RBFOX1: variants seen among roughly 807,000 people sequenced by gnomAD.
The protein encoded by RBFOX1 is RNA binding protein fox-1 homolog 1.
A neutral mutation model predicts 57.7 loss-of-function variants in RBFOX1; 8 were observed. That is an observed-to-expected ratio of 0.14 (90% CI 0.08 to 0.25). RBFOX1 has a LOEUF of 0.25. Ranked by LOEUF, RBFOX1 falls within the 10% of genes least tolerant of loss-of-function variation. The pLI, the probability that RBFOX1 is intolerant of heterozygous loss-of-function variation, is 1.00. For missense variants in RBFOX1, 611 were observed against 548.5 expected (o/e 1.11, Z -1.14); for synonymous variants, 326 against 222.4 (o/e 1.47, Z -4.15).
intron 2 of RBFOX1, among the ~76,000 whole-genome samples, chr16:6,582,639 A>C (rs2097551943): frequency 6.6e-6 from 1 of 152,094 alleles, no homozygotes; most frequent in Non-Finnish European, 1.5e-5. Flanking sequence ...CAAATAAAAT[A>C]AGGATTTAGT....
chr16:7,391,352 G>C (rs536504358), intron 4 of RBFOX1, among the ~76,000 whole-genome samples: 1 of 152,124 alleles, frequency 6.6e-6, no homozygotes. Flanking sequence ...GAAGTTTCGC[G>C]TCCCAAGATC....
At position 6,859,174 on chromosome 16, in the gene RBFOX1, T is replaced by TACGTATATATATACGTATATATATAC. The variant is rs778753196; in HGVS notation, c.-15-192883_-15-192882insACGTATATATATACGTATATATATAC. On this transcript the variant is annotated intron_variant, in intron 3 of 15. Transcript: ENST00000550418. ...ATATGTATATATATACGTATATATA[T>TACGTATATATATACGTATATATATAC]GTATATATATGTATATATATATGTA... is the stretch of plus-strand genomic sequence containing the variant. 1.8e-3 allele frequency among the ~76,000 whole-genome samples: 114 copies of TACGTATATATATACGTATATATATAC among 65,032 alleles called. 7 individuals are homozygous for TACGTATATATATACGTATATATATAC. Among genetic ancestry groups the TACGTATATATATACGTATATATATAC allele is most frequent in the African/African-American group, 9.4e-3 (109 of 11,606 alleles). 42.7% of individuals were successfully genotyped at this position (65,032 alleles called of 152,430 possible).
intron 3 of RBFOX1, among the ~76,000 whole-genome samples, chr16:6,692,175 G>C (rs1425303912): frequency 6.6e-6 from 1 of 152,076 alleles, no homozygotes; most frequent in East Asian, 1.9e-4. Context: ...ACAAAACCAA[G>C]GTAACTATAA....
intron 4 of RBFOX1, among the ~76,000 whole-genome samples, chr16:7,076,613 A>G (rs1484493703): frequency 6.6e-6 from 1 of 152,208 alleles, no homozygotes; most frequent in Non-Finnish European, 1.5e-5. Flanking sequence ...GCAAAACTTT[A>G]TTTTTGCACA....
intron 1 of RBFOX1, among the ~76,000 whole-genome samples, chr16:6,062,103 G>A (rs182568779): frequency 2.0e-5 from 3 of 152,282 alleles, no homozygotes; most frequent in Admixed American, 2.0e-4. Flanking sequence ...ACAGCCAAAC[G>A]AGATGCATGG....
intron 3 of RBFOX1, among the ~76,000 whole-genome samples, chr16:5,835,288 G>A (rs975018807): frequency 2.6e-4 from 40 of 152,266 alleles, no homozygotes; most frequent in Middle Eastern, 6.8e-3. Flanking sequence ...GAAGCCATGC[G>A]TCCCACCACA....
chr16:6,188,274 G>A (rs960652085), intron 1 of RBFOX1, among the ~76,000 whole-genome samples: 16 of 152,014 alleles, frequency 1.1e-4, no homozygotes, highest in Non-Finnish European at 2.1e-4. Context: ...TTTCAAGGAG[G>A]CAGACTGAGT....
intron 12 of RBFOX1, among the ~76,000 whole-genome samples, chr16:7,656,379 G>A (rs1367190872): frequency 1.3e-5 from 2 of 152,142 alleles, no homozygotes; most frequent in African/African-American, 4.8e-5. Context: ...GCAGGAGATG[G>A]CAAGGGGATG....
At chr16:7,690,212 GC>G (rs1272146285) in intron 14 of RBFOX1, among the ~76,000 whole-genome samples, 5 of 152,222 alleles carry the variant, frequency 3.3e-5, no homozygotes, top group Non-Finnish European at 7.4e-5. Context: ...TCAGGAATGG[GC>G]CCTATCACTG....
intron 3 of RBFOX1, among the ~76,000 whole-genome samples, chr16:5,703,498 C>T (rs2051127536): frequency 6.6e-6 from 1 of 152,154 alleles, no homozygotes; most frequent in Admixed American, 6.5e-5. Flanking sequence ...CACAGAGCAT[C>T]CTCGTATATT....
chr16:5,742,211 C>A (rs1011147310), intron 3 of RBFOX1, among the ~76,000 whole-genome samples: 5 of 137,046 alleles, frequency 3.6e-5, no homozygotes, highest in Non-Finnish European at 6.5e-5. Flanking sequence ...GTCCTTCCTC[C>A]TTTCCTTCCT....
Position 6,669,999 on chromosome 16 carries a change from CTCTG to C in RBFOX1, c.-16+15357_-16+15360del, listed in dbSNP as rs201550006. Among the ~76,000 whole-genome samples the C allele has an allele frequency of 8.5e-3, 1,295 of 151,840 alleles. 13 individuals are homozygous for C. The highest frequency in any genetic ancestry group is 0.014 in the Middle Eastern group (4 of 294). ...CTAACTTACAGTAAGGAAAATCTAT[CTCTG>C]TCTGTCTATCTATCTATCTGTCTAT... On this transcript the variant is annotated intron_variant, in intron 3 of 15. Transcript: ENST00000550418.
chr16:7,127,993 G>A (rs548797054), intron 4 of RBFOX1, among the ~76,000 whole-genome samples: 75 of 152,268 alleles, frequency 4.9e-4, no homozygotes, highest in Middle Eastern at 3.4e-3. Flanking sequence ...ACAAATACAC[G>A]GTTTGAAATC....
At chr16:6,010,408 T>G (rs531708422) in intron 4 of RBFOX1, among the ~76,000 whole-genome samples, 3 of 152,358 alleles carry the variant, frequency 2.0e-5, no homozygotes, top group Non-Finnish European at 4.4e-5. Context: ...AAGTCTTTAT[T>G]TGGAATAATT....
chr16:6,909,573 C>T (rs1022744454), intron 3 of RBFOX1, among the ~76,000 whole-genome samples: 10 of 152,324 alleles, frequency 6.6e-5, no homozygotes, highest in African/African-American at 1.7e-4. Flanking sequence ...CATATTCAGG[C>T]TCAGCTACCT....
intron 4 of RBFOX1, among the ~76,000 whole-genome samples, chr16:7,365,518 G>A (rs2097425507): frequency 6.6e-6 from 1 of 152,222 alleles, no homozygotes; most frequent in African/African-American, 2.4e-5. Context: ...TCGGAAATGT[G>A]TTAAGACATT....
chr16:7,607,027 C>G (rs2095309313), intron 9 of RBFOX1, among the ~76,000 whole-genome samples: 1 of 152,116 alleles, frequency 6.6e-6, no homozygotes, highest in South Asian at 2.1e-4. Flanking sequence ...ATTACCATGT[C>G]ATTTTCAAAG....
intron 2 of RBFOX1, chr16:6,483,308 G>T (rs2095404548): frequency 7.1e-7 from 1 of 1,401,912 alleles, no homozygotes. Context: ...TCTCGCGCCC[G>T]CGCGCTCGGG....
chr16:6,979,201 C>T (rs768626422), intron 3 of RBFOX1, among the ~76,000 whole-genome samples: 22 of 151,992 alleles, frequency 1.4e-4, no homozygotes, highest in Admixed American at 7.9e-4. Context: ...TATTTAAATC[C>T]CCAAGTCTCA....
Sources: allele counts gnomAD v4.1 joint callset (sites outside exome capture counted in the v4.1 genomes callset), GRCh38; gene constraint gnomAD v4.1.1; transcripts MANE v1.5; gene names NCBI Gene and HGNC (gene_info 2026-07-23, HGNC 2026-07-21).